Variants in TMEM114 observed in about 807,000 individuals in gnomAD.
TMEM114 encodes claudin-26.
In TMEM114, 6 loss-of-function variants were observed where a neutral mutation model predicts 6.2. That is an observed-to-expected ratio of 0.97 (90% confidence interval 0.53 to 1.91). TMEM114 has a LOEUF of 1.91. Among genes scored for constraint, TMEM114 ranks in the 40% most tolerant of loss-of-function variants. TMEM114 has a pLI of 0.01. For missense variants in TMEM114, 218 were observed against 158.3 expected (o/e 1.38, Z -2.02); for synonymous variants, 104 against 73.0 (o/e 1.42, Z -2.16).
At chr16:8,567,988 A>G (rs574017106), downstream of TMEM114, among the ~76,000 whole-genome samples, 429 of 152,312 alleles carry the variant, frequency 2.8e-3, 3 homozygotes, top group African/African-American at 0.01. Context: ...ACGTCGCAGC[A>G]ACGTCCTGAA....
chr16:8,572,992 A>G (rs1461896372), intron 2 of TMEM114, among the ~76,000 whole-genome samples: 1 of 152,168 alleles, frequency 6.6e-6, no homozygotes, highest in Non-Finnish European at 1.5e-5. Flanking sequence ...GGCTTCACTG[A>G]CTGGAGTGCC....
chr16:8,534,937 A>G (rs1488678119), downstream of TMEM114, among the ~76,000 whole-genome samples: 8 of 152,234 alleles, frequency 5.3e-5, no homozygotes, highest in Non-Finnish European at 1.0e-4. Flanking sequence ...GTCCCTGTGC[A>G]AGTTCAGAGA....
chr16:8,558,535 G>C (rs4349131), intron 2 of TMEM114, among the ~76,000 whole-genome samples: 2,049 of 151,996 alleles, frequency 0.013, 43 homozygotes, highest in African/African-American at 0.048. Flanking sequence ...TAATTACACC[G>C]GTAAAGACCG....
At chr16:8,567,200 C>T (rs1438543744), downstream of TMEM114, among the ~76,000 whole-genome samples, 1 of 152,010 alleles carries the variant, frequency 6.6e-6, no homozygotes, top group African/African-American at 2.4e-5. Context: ...TGAGCCATGG[C>T]GCCCGGCCTC....
rs1441266912 is a variant in TMEM114, at chr16:8,572,073, G to C, written c.439+14C>G. The C allele has an allele frequency of 6.5e-7, 1 of 1,532,718 alleles. No homozygotes were observed. Among genetic ancestry groups the C allele is most frequent in the Non-Finnish European group, 8.8e-7 (1 of 1,137,746 alleles). 94.9% of individuals were successfully genotyped at this position (1,532,718 alleles called of 1,614,324 possible). Reference sequence around the variant, plus strand: ...AGACCACAAGCCAGAGCCCTAGGCAGGGTGGGCACCTACCTCCAAAGAGGA... The same window carrying C: ...AGACCACAAGCCAGAGCCCTAGGCACGGTGGGCACCTACCTCCAAAGAGGA... On this transcript the variant is annotated intron_variant, in intron 3 of 3. Transcript: ENST00000620492.
At chr16:8,579,190 C>T (rs1174548060) in intron 2 of TMEM114, among the ~76,000 whole-genome samples, 1 of 152,136 alleles carries the variant, frequency 6.6e-6, no homozygotes, top group Non-Finnish European at 1.5e-5. Context: ...AAGAGCTGCT[C>T]AGTGGGGAAA....
chr16:8,564,947 G>A (rs977988730), downstream of TMEM114, among the ~76,000 whole-genome samples: 4 of 151,654 alleles, frequency 2.6e-5, no homozygotes, highest in East Asian at 3.9e-4. Flanking sequence ...GTGAGGGAAT[G>A]GGTGAGTGAA....
chr16:8,568,984 G>A (rs112877132), downstream of TMEM114, among the ~76,000 whole-genome samples: 402 of 152,346 alleles, frequency 2.6e-3, 5 homozygotes, highest in African/African-American at 8.9e-3. Flanking sequence ...TCGCCTGGAA[G>A]CCACTTAGAA....
downstream of TMEM114, among the ~76,000 whole-genome samples, chr16:8,564,606 GGAATGAGTGAGT>G (rs1228047887): frequency 7.9e-6 from 1 of 127,146 alleles, no homozygotes; most frequent in Non-Finnish European, 1.6e-5. Flanking sequence ...ACGGAGGGAG[GGAATGAGTGAGT>G]GAATGAGTGA....
intron 2 of TMEM114, among the ~76,000 whole-genome samples, chr16:8,548,255 T>A (rs1297016018): frequency 2.6e-5 from 4 of 152,148 alleles, no homozygotes; most frequent in African/African-American, 7.2e-5. Flanking sequence ...TAATATGAGT[T>A]CCTGCCTCTC....
At chr16:8,565,347 G>A (rs1901505213), downstream of TMEM114, among the ~76,000 whole-genome samples, 1 of 152,164 alleles carries the variant, frequency 6.6e-6, no homozygotes, top group South Asian at 2.1e-4. Context: ...TGGGTGGGTG[G>A]CAAGTGAATA....
At chr16:8,559,448 AT>A (rs1901130108) in intron 2 of TMEM114, among the ~76,000 whole-genome samples, 1 of 152,146 alleles carries the variant, frequency 6.6e-6, no homozygotes. Flanking sequence ...TTACAGGTGA[AT>A]CCTCGGCCCG....
In TMEM114 at chr16:8,570,020, A is replaced by G; in HGVS notation, c.440-15T>C. Reference sequence around the variant, plus strand: ...GGTCACCATGGCTGCAGGGAGGGCAAAGGGAGAGCAGATCAATCCCCCACC... The same window carrying G: ...GGTCACCATGGCTGCAGGGAGGGCAGAGGGAGAGCAGATCAATCCCCCACC... On this transcript the variant is annotated splice_polypyrimidine_tract_variant and intron_variant, in intron 3 of 3. Transcript: ENST00000620492. 6.5e-7 allele frequency: 1 copy of G among 1,542,594 alleles called. No individual in the cohort carries two copies. Among genetic ancestry groups the G allele is most frequent in the Non-Finnish European group, 8.8e-7 (1 of 1,140,718 alleles).
rs190671565 is a variant in TMEM114 at position 8,559,292 on chromosome 16, C to G, written n.213-21466G>C. The stretch of plus-strand genomic sequence containing the variant: ...TCATAACCTCAAGTGATCCGCCCAC[C>G]TCAGCCTCCCAAAACGCTGGGATTA... On this transcript the variant is annotated intron_variant and non_coding_transcript_variant, in intron 2 of 2. Transcript: ENST00000623677. Among the ~76,000 whole-genome samples the G allele has an allele frequency of 5.5e-3, 832 of 152,346 alleles. 8 individuals carry two copies. Among genetic ancestry groups the G allele is most frequent in the African/African-American group, 0.019 (786 of 41,584 alleles).
chr16:8,558,004 A>C (rs1188954828), intron 2 of TMEM114, among the ~76,000 whole-genome samples: 3 of 152,180 alleles, frequency 2.0e-5, no homozygotes, highest in Non-Finnish European at 4.4e-5. Context: ...CTGTAATCCC[A>C]GCACTTTGGG....
the TMEM114 span, among the ~76,000 whole-genome samples, chr16:8,528,759 A>G: frequency 6.6e-6 from 1 of 152,256 alleles, no homozygotes; most frequent in Non-Finnish European, 1.5e-5. Context: ...ACTTCTAAAT[A>G]TTTCATAGCC....
downstream of TMEM114, among the ~76,000 whole-genome samples, chr16:8,534,591 T>C (rs151217919): frequency 3.5e-4 from 53 of 152,300 alleles, no homozygotes; most frequent in African/African-American, 1.1e-3. Context: ...GGGTGGTACA[T>C]CAGATGGGAT....
At chr16:8,567,871 A>G (rs1436828958), downstream of TMEM114, among the ~76,000 whole-genome samples, 1 of 152,032 alleles carries the variant, frequency 6.6e-6, no homozygotes, top group Non-Finnish European at 1.5e-5. Flanking sequence ...CTTTGCAAAA[A>G]CTTTGTTTTC....
chr16:8,564,278 TG>T lies in TMEM114; in HGVS notation n.212+24934del, dbSNP rs1234929025. On this transcript the variant is annotated intron_variant and non_coding_transcript_variant, in intron 2 of 2. Transcript: ENST00000623677. ...GTGAATGAGTGATGAAATAAGTGAA[TG>T]AGTGATGAAATAAGTGAATGAGTGA... 1.8e-4 allele frequency among the ~76,000 whole-genome samples: 24 copies of T among 136,684 alleles called. 1 individual carries two copies. Among genetic ancestry groups the T allele is most frequent in the African/African-American group, 6.7e-4 (24 of 35,900 alleles). The allele number at this position is 136,684 out of a possible 152,430, so 89.7% of individuals were successfully genotyped here. A position where few individuals can be genotyped will look rare whatever the true frequency, so the allele number is the denominator to read the frequency against.
Sources: allele counts gnomAD v4.1 joint callset (sites outside exome capture counted in the v4.1 genomes callset), GRCh38; gene constraint gnomAD v4.1.1; transcripts MANE v1.5; gene names NCBI Gene and HGNC (gene_info 2026-07-23, HGNC 2026-07-21).